The following POC1B variants were observed in gnomAD, a reference collection of about 807,000 sequenced individuals.
The protein encoded by POC1B is POC1 centriolar protein homolog B.
A neutral mutation model predicts 60.6 loss-of-function variants in POC1B; 44 were observed. That is an observed-to-expected ratio of 0.73 (90% confidence interval 0.57 to 0.93). POC1B has a LOEUF of 0.93. POC1B is among the 40% of genes least tolerant of loss of function. The probability of loss-of-function intolerance (pLI) is 0.00; values close to 1 mark genes in which losing one functional copy is unlikely to be tolerated. For missense variants in POC1B, 555 were observed against 572.3 expected, an observed-to-expected ratio of 0.97 and a Z score of 0.31; for synonymous variants, 180 against 198.9, an observed-to-expected ratio of 0.90 and a Z score of 0.80.
intron 4 of POC1B, among the ~76,000 whole-genome samples, chr12:89,490,045 G>A (rs181155236): frequency 1.3e-5 from 2 of 152,258 alleles, no homozygotes; most frequent in Non-Finnish European, 2.9e-5. Flanking sequence ...GAGCCGGCAG[G>A]GACCTGGGTA....
chr12:89,476,103 C>T (rs1481935869), intron 4 of POC1B, among the ~76,000 whole-genome samples: 2 of 151,696 alleles, frequency 1.3e-5, no homozygotes, highest in Non-Finnish European at 2.9e-5. Flanking sequence ...GACAGGGTTT[C>T]GCCATGTTGC....
chr12:89,415,654 AAATAATAAAG>A (rs1880351266), downstream of POC1B, among the ~76,000 whole-genome samples: 1 of 152,052 alleles, frequency 6.6e-6, no homozygotes, highest in South Asian at 2.1e-4. Context: ...AAAAAAAAAA[AAATAATAAAG>A]AAAATAATAA....
chr12:89,471,768 CTT>C (rs776025659), intron 5 of POC1B, 39 bp from the exon 6 acceptor site: 11,357 of 803,564 alleles, frequency 0.014, no homozygotes, highest in East Asian at 0.016. Flanking sequence ...ATTTCAATTT[CTT>C]TTTTTTTTTT....
the POC1B span, among the ~76,000 whole-genome samples, chr12:89,412,846 C>T: frequency 8.6e-4 from 108 of 125,098 alleles, no homozygotes; most frequent in Middle Eastern, 3.8e-3. Context: ...TTCCTTCCTT[C>T]CTTTCCTTCC....
intron 11 of POC1B, among the ~76,000 whole-genome samples, chr12:89,422,558 G>GGCACC (rs1389450667): frequency 6.6e-6 from 1 of 152,212 alleles, no homozygotes. Flanking sequence ...GCCTTGGAAA[G>GGCACC]ACTACAGGTG....
chr12:89,501,605 C>G, intron 2 of POC1B: 1 of 1,373,112 alleles, frequency 7.3e-7, no homozygotes, highest in South Asian at 1.3e-5. Flanking sequence ...AAGCGCTTTT[C>G]TAGTGAGTCC....
chr12:89,467,812 A>C, intron 7 of POC1B, 127 bp from the exon 8 acceptor site: 1 of 542,860 alleles, frequency 1.8e-6, no homozygotes, highest in Non-Finnish European at 3.1e-6. Flanking sequence ...CTAATAAAAC[A>C]CATCAGTTGC....
intron 2 of POC1B, chr12:89,524,893 C>A (rs1188057092): frequency 1.7e-5 from 12 of 708,790 alleles, no homozygotes; most frequent in Admixed American, 8.9e-5. Context: ...GTCCGCCAGG[C>A]CCAGACCGCT....
the POC1B span, among the ~76,000 whole-genome samples, chr12:89,409,733 C>G: frequency 0.01 from 1,595 of 152,242 alleles, 33 homozygotes; most frequent in African/African-American, 0.037. Flanking sequence ...CGGACACATA[C>G]ACCCTCCCAA....
At chr12:89,460,688 C>T (rs753065985) in intron 9 of POC1B, 6 of 152,148 alleles carry the variant, frequency 3.9e-5, no homozygotes, top group Non-Finnish European at 8.8e-5. Flanking sequence ...ATGTATGAAT[C>T]TCAGGACTTT....
intron 10 of POC1B, among the ~76,000 whole-genome samples, chr12:89,457,304 TTAA>T (rs1882298773): frequency 6.6e-6 from 1 of 152,162 alleles, no homozygotes; most frequent in Non-Finnish European, 1.5e-5. Flanking sequence ...TACCACTATA[TTAA>T]TGGAAAGGTA....
chr12:89,418,544 T>C (rs1043537459), downstream of POC1B, among the ~76,000 whole-genome samples: 4 of 152,156 alleles, frequency 2.6e-5, no homozygotes, highest in African/African-American at 9.7e-5. Context: ...AAGTCTCATG[T>C]TGAAATCTGA....
intron 10 of POC1B, among the ~76,000 whole-genome samples, chr12:89,458,144 A>G (rs10735274): frequency 0.73 from 111,039 of 152,096 alleles, 40,677 homozygotes; most frequent in Middle Eastern, 0.82. Context: ...TCTAGGCCAG[A>G]AATGTGCAAT....
At position 89,497,551 on chromosome 12, in the gene POC1B, G is replaced by A. The variant is rs540703798; in HGVS notation, c.101-209C>T. Among the ~76,000 whole-genome samples, 3 of 152,268 alleles carry A rather than the reference G, an allele frequency of 2.0e-5. No homozygotes were observed. The East Asian group carries it at 5.8e-4, about 29-fold the overall frequency. ...GCAAGCTTGGCTGTGTCCTATGTAA[G>A]CACACAGCAGGATGACTGGCCCCCG... On this transcript the variant is annotated intron_variant, in intron 2 of 11. Transcript: ENST00000313546.
In POC1B at chr12:89,420,797, A is replaced by C. The variant is rs1307311858; in HGVS notation, c.*356T>G. The C allele has an allele frequency of 5.3e-6, 1 of 187,292 alleles. No homozygotes were observed. Among genetic ancestry groups the C allele is most frequent in the Non-Finnish European group, 1.1e-5 (1 of 89,686 alleles). 11.6% of individuals were successfully genotyped at this position (187,292 alleles called of 1,614,324 possible). ...GTCTGAATATGGTCAATCTGAAATGACTTAACAGTGAAATCCAGAGATCTG... is the reference window on the plus strand; with the variant it reads ...GTCTGAATATGGTCAATCTGAAATGCCTTAACAGTGAAATCCAGAGATCTG... On this transcript the variant is annotated 3_prime_UTR_variant, in exon 12 of 12. Transcript: ENST00000313546.
At chr12:89,452,942 G>T (rs1355290704) in intron 10 of POC1B, among the ~76,000 whole-genome samples, 1 of 152,140 alleles carries the variant, frequency 6.6e-6, no homozygotes, top group African/African-American at 2.4e-5. Context: ...TATGGGTCAT[G>T]AAGTACTTCA....
intron 1 of POC1B, 130 bp from the exon 2 acceptor site, chr12:89,525,334 C>T (rs1464024332): frequency 1.4e-6 from 2 of 1,439,520 alleles, no homozygotes; most frequent in East Asian, 2.6e-5. Flanking sequence ...GGCTGGGCGG[C>T]GGGGCCGGGC....
At chr12:89,466,526 G>A (rs990473640) in intron 9 of POC1B, 3 of 324,806 alleles carry the variant, frequency 9.2e-6, no homozygotes, top group African/African-American at 2.1e-5. Context: ...GTCACCAGAG[G>A]CCTTAGATTT....
At chr12:89,449,508 A>C (rs897713759) in intron 10 of POC1B, among the ~76,000 whole-genome samples, 1 of 152,218 alleles carries the variant, frequency 6.6e-6, no homozygotes, top group Admixed American at 6.5e-5. Context: ...CAATAAATAA[A>C]TGAAAGAAAA....
Sources: allele counts gnomAD v4.1 joint callset (sites outside exome capture counted in the v4.1 genomes callset), GRCh38; gene constraint gnomAD v4.1.1; transcripts MANE v1.5; gene names NCBI Gene and HGNC (gene_info 2026-07-23, HGNC 2026-07-21).